DPP6: variants seen among roughly 807,000 people sequenced by gnomAD.
The protein encoded by DPP6 is dipeptidyl peptidase like 6.
Under a neutral mutation model 122.6 loss-of-function variants are expected in DPP6, and 69 were observed. The ratio of observed to expected loss-of-function variants is 0.56; its 90% CI spans 0.46 to 0.69. The LOEUF is 0.69. Ranked by LOEUF, DPP6 falls within the 30% of genes least tolerant of loss-of-function variation. DPP6 has a pLI of 0.00. For synonymous variants in DPP6, 418 were observed against 433.1 expected (o/e 0.97, Z 0.43); for missense variants, 928 against 1,116.9 (o/e 0.83, Z 2.41).
At chr7:154,817,523 G>A (rs1799494628) in intron 16 of DPP6, among the ~76,000 whole-genome samples, 1 of 152,160 alleles carries the variant, frequency 6.6e-6, no homozygotes. Flanking sequence ...GGTCATGAGT[G>A]ATGATATAAT....
chr7:154,887,763 A>G (rs553458996), intron 23 of DPP6, 29 bp downstream of exon 23: 2 of 1,612,622 alleles, frequency 1.2e-6, no homozygotes, highest in African/African-American at 2.7e-5. Flanking sequence ...AGAGAATGTG[A>G]TGAGACCAGT....
intron 1 of DPP6, chr7:153,887,779 C>A (rs1375531921): frequency 6.2e-7 from 1 of 1,600,942 alleles, no homozygotes; most frequent in Non-Finnish European, 8.5e-7. Flanking sequence ...GGGGACCCAC[C>A]GTGAGGAGCG....
intron 1 of DPP6, among the ~76,000 whole-genome samples, chr7:154,033,655 T>G (rs981584168): frequency 1.3e-5 from 2 of 152,216 alleles, no homozygotes; most frequent in Admixed American, 6.5e-5. Context: ...TATTTCTCAT[T>G]GTGAGTGATT....
rs544290081 is a variant in DPP6 at position 154,631,510 on chromosome 7, T to C, written c.628-6311T>C. ...TTTGCTTGTGAAGGGCCATGATAGT[T>C]ACAAGAAGGAGGCTGGGTGCAGTGT... On this transcript the variant is annotated intron_variant, in intron 5 of 25. Coordinates refer to ENST00000377770, the MANE Select transcript of DPP6 (RefSeq NM_130797.4). Among the ~76,000 whole-genome samples, 8 of 152,050 alleles carry C rather than the reference T, an allele frequency of 5.3e-5. No homozygotes were observed. The South Asian group carries it at 1.7e-3, about 32-fold the overall frequency.
At chr7:154,147,473 CCTTCCTTCCTTCCTTCCTTT>C (rs1277636531) in intron 1 of DPP6, among the ~76,000 whole-genome samples, 27 of 134,384 alleles carry the variant, frequency 2.0e-4, no homozygotes, top group African/African-American at 6.8e-4. Context: ...TTCCTTCCTT[CCTTCCTTCCTTCCTTCCTTT>C]CTTTTTCTGT....
Position 154,607,238 on chromosome 7 carries a change from C to G in DPP6, c.628-30583C>G, listed in dbSNP as rs945191821. 5.9e-5 allele frequency among the ~76,000 whole-genome samples: 7 copies of G among 119,376 alleles called. 1 individual carries two copies. The highest frequency in any genetic ancestry group is 1.9e-4 in the African/African-American group (7 of 37,504). The allele number at this position is 119,376 out of a possible 152,430, so 78.3% of individuals were successfully genotyped here. A position where few individuals can be genotyped will look rare whatever the true frequency, so the allele number is the denominator to read the frequency against. ...CCACTAGTAATGCTGGGAGTGTTCCCATGAAGCAGAGAAAGTTAGGACATT... is the reference window on the plus strand; with the variant it reads ...CCACTAGTAATGCTGGGAGTGTTCCGATGAAGCAGAGAAAGTTAGGACATT... On this transcript the variant is annotated intron_variant, in intron 5 of 25. Coordinates refer to ENST00000377770, the MANE Select transcript of DPP6 (RefSeq NM_130797.4).
At chr7:154,210,941 A>C (rs1281756983) in intron 1 of DPP6, among the ~76,000 whole-genome samples, 1 of 152,210 alleles carries the variant, frequency 6.6e-6, no homozygotes, top group Non-Finnish European at 1.5e-5. Flanking sequence ...CAATCTTATA[A>C]GCTGGGTATA....
rs569943606 is a variant in DPP6, at chr7:154,174,797, C to T, written c.243+121734C>T. Among the ~76,000 whole-genome samples the T allele has an allele frequency of 1.4e-4, 21 of 152,168 alleles. No individual in the cohort carries two copies. In the East Asian group the frequency reaches 1.5e-3, roughly 11 times the overall value. On this transcript the variant is annotated intron_variant, in intron 1 of 25. Coordinates refer to ENST00000377770, the MANE Select transcript of DPP6 (RefSeq NM_130797.4). ...AGTTCTGTCTTCCTTGTCCCCTCTT[C>T]CCCTGCCTCTCTCCTCTCTTCTCTT...
chr7:154,358,178 C>T (rs955571702), intron 1 of DPP6, among the ~76,000 whole-genome samples: 2 of 152,134 alleles, frequency 1.3e-5, no homozygotes, highest in Non-Finnish European at 1.5e-5. Flanking sequence ...TGTATGTCAG[C>T]TCAACCATAG....
At chr7:154,773,800 T>G (rs1338776199) in intron 10 of DPP6, among the ~76,000 whole-genome samples, 1 of 152,170 alleles carries the variant, frequency 6.6e-6, no homozygotes, top group Non-Finnish European at 1.5e-5. Flanking sequence ...ACTAGTAGCT[T>G]CTGGCAGCTT....
chr7:154,428,732 T>C (rs950913625), intron 1 of DPP6, among the ~76,000 whole-genome samples: 1 of 152,210 alleles, frequency 6.6e-6, no homozygotes, highest in East Asian at 1.9e-4. Flanking sequence ...TTGTCCTAAG[T>C]GATATAACTC....
intron 1 of DPP6, among the ~76,000 whole-genome samples, chr7:154,019,321 T>C (rs1308359739): frequency 6.6e-6 from 1 of 152,138 alleles, no homozygotes; most frequent in Non-Finnish European, 1.5e-5. Context: ...GTCAAATATT[T>C]ATCTGCCTCT....
At chr7:153,967,248 T>G (rs1795794533) in intron 1 of DPP6, among the ~76,000 whole-genome samples, 1 of 152,052 alleles carries the variant, frequency 6.6e-6, no homozygotes, top group Non-Finnish European at 1.5e-5. Flanking sequence ...GTGTTTAGAT[T>G]TGCAGTTGGG....
intron 1 of DPP6, among the ~76,000 whole-genome samples, chr7:154,340,685 T>C (rs1025647284): frequency 6.6e-6 from 1 of 152,258 alleles, no homozygotes. Context: ...CAGCAATAAC[T>C]AACATGTGTT....
intron 1 of DPP6, among the ~76,000 whole-genome samples, chr7:154,074,104 G>GAGAGATATATATAGATATCTAT (rs1803353952): frequency 7.3e-5 from 6 of 81,964 alleles, no homozygotes; most frequent in East Asian, 7.0e-4. Context: ...TCTATATAGA[G>GAGAGATATATATAGATATCTAT]ATAGAGAGAT....
chr7:154,042,264 C>T (rs1799805271), intron 1 of DPP6, among the ~76,000 whole-genome samples: 1 of 152,092 alleles, frequency 6.6e-6, no homozygotes, highest in Admixed American at 6.5e-5. Flanking sequence ...AGCGGACACC[C>T]TTAACTTGTG....
Position 154,769,521 on chromosome 7 carries a change from A to G in DPP6, c.988A>G (p.Thr330Ala). Residue 330 changes from threonine (T) to alanine (A), a missense_variant, in exon 9 of 26, where the codon ACT becomes GCT. By Grantham distance (58) the Thr-to-Ala change is moderately conservative (BLOSUM62 0). Coordinates refer to ENST00000377770, the MANE Select transcript of DPP6 (RefSeq NM_130797.4). ...DSRVPIMELP[T>A]YTGSIYPTVK... ...CCGTGTCCCCATCATGGAGCTCCCA[A>G]CTTACACCGGCTCCATCTACCCCAC... 2 of 1,613,436 alleles carry G rather than the reference A, an allele frequency of 1.2e-6. No homozygotes were observed. The highest frequency in any genetic ancestry group is 1.7e-6 in the Non-Finnish European group (2 of 1,179,620).
chr7:154,447,155 A>G (rs1169444689), intron 2 of DPP6, among the ~76,000 whole-genome samples: 3 of 152,098 alleles, frequency 2.0e-5, no homozygotes, highest in Admixed American at 6.5e-5. Context: ...AAAATACAAA[A>G]ATTAGCCAGG....
chr7:154,719,739 C>A (rs1277744991), intron 7 of DPP6, among the ~76,000 whole-genome samples: 2 of 152,232 alleles, frequency 1.3e-5, no homozygotes, highest in African/African-American at 4.8e-5. Context: ...AGTCACTGCT[C>A]TTCTCCGCAG....
Sources: allele counts gnomAD v4.1 joint callset (sites outside exome capture counted in the v4.1 genomes callset), GRCh38; gene constraint gnomAD v4.1.1; transcripts MANE v1.5; gene names NCBI Gene and HGNC (gene_info 2026-07-23, HGNC 2026-07-21).